LGR4: variants seen among roughly 807,000 people sequenced by gnomAD.
The protein encoded by LGR4 is leucine rich repeat containing G protein-coupled receptor 4.
LGR4 carries 44 observed loss-of-function variants against 84.8 expected under a neutral mutation model. The ratio of observed to expected loss-of-function variants is 0.52; its 90% confidence interval spans 0.41 to 0.67. The LOEUF (loss-of-function observed/expected upper bound fraction) is 0.67, where lower values mean the gene tolerates loss of function less well. Among genes scored for constraint, LGR4 ranks in the 30% least tolerant of loss-of-function variants. The probability of loss-of-function intolerance (pLI) is 0.00; values close to 1 mark genes in which losing one functional copy is unlikely to be tolerated. For missense variants in LGR4, 1,032 were observed against 1,131.4 expected, an observed-to-expected ratio of 0.91 and a Z score of 1.26; for synonymous variants, 429 against 434.3, an observed-to-expected ratio of 0.99 and a Z score of 0.15.
chr11:27,435,002 CACA>C (rs1444806330), intron 1 of LGR4, among the ~76,000 whole-genome samples: 1 of 152,056 alleles, frequency 6.6e-6, no homozygotes, highest in Non-Finnish European at 1.5e-5. Context: ...GCTGGAAACC[CACA>C]ACACTACACC....
At chr11:27,382,299 G>A in intron 6 of LGR4, 43 bp from the exon 7 acceptor site, 1 of 1,270,702 alleles carries the variant, frequency 7.9e-7, no homozygotes, top group Non-Finnish European at 1.1e-6. Context: ...ATTAAATAGT[G>A]GTCATAATTC....
chr11:27,466,967 G>C (rs1864787987), intron 1 of LGR4, among the ~76,000 whole-genome samples: 1 of 151,778 alleles, frequency 6.6e-6, no homozygotes, highest in Non-Finnish European at 1.5e-5. Context: ...TTTATTTTAA[G>C]TAGAGACGGG....
intron 1 of LGR4, among the ~76,000 whole-genome samples, chr11:27,468,533 C>T (rs573143766): frequency 1.3e-5 from 2 of 152,286 alleles, no homozygotes; most frequent in African/African-American, 4.8e-5. Context: ...GGATATTCTG[C>T]TACTCCTGGG....
At chr11:27,440,057 C>G (rs1434603426) in intron 1 of LGR4, among the ~76,000 whole-genome samples, 1 of 152,058 alleles carries the variant, frequency 6.6e-6, no homozygotes, top group African/African-American at 2.4e-5. Flanking sequence ...AGGCACCCAC[C>G]ACCACGCCCA....
intron 4 of LGR4, among the ~76,000 whole-genome samples, chr11:27,386,300 A>G (rs1261969138): frequency 1.3e-5 from 2 of 152,250 alleles, no homozygotes; most frequent in Non-Finnish European, 2.9e-5. Flanking sequence ...TGTTGGCACA[A>G]CAAGATGTAA....
intron 1 of LGR4, among the ~76,000 whole-genome samples, chr11:27,440,833 C>T (rs1864293979): frequency 6.6e-6 from 1 of 152,118 alleles, no homozygotes; most frequent in Non-Finnish European, 1.5e-5. Context: ...GCCAGAAATT[C>T]AAGTAACTGG....
rs375456694 is a variant in LGR4 at position 27,381,372 on chromosome 11, ACT to A, written c.759-408_759-407del. On this transcript the variant is annotated intron_variant, in intron 7 of 17. Transcript: ENST00000379214. ...CCTGTTGTGCCATATACAGTCACTA[ACT>A]CTACCCATGACAAACCCGACGTCCA... 1.4e-3 allele frequency among the ~76,000 whole-genome samples: 207 copies of A among 152,232 alleles called. 1 individual carries two copies. Among genetic ancestry groups the A allele is most frequent in the African/African-American group, 4.4e-3 (183 of 41,544 alleles).
chr11:27,462,734 G>C (rs1487826437), intron 1 of LGR4, among the ~76,000 whole-genome samples: 1 of 152,000 alleles, frequency 6.6e-6, no homozygotes, highest in African/African-American at 2.4e-5. Context: ...CGTTTCCTTG[G>C]TGCAACCCTG....
chr11:27,428,314 T>A (rs1454134987), intron 1 of LGR4, among the ~76,000 whole-genome samples: 5 of 152,234 alleles, frequency 3.3e-5, no homozygotes, highest in African/African-American at 1.2e-4. Flanking sequence ...TTTTTTTGTA[T>A]TTTTAGTAGA....
intron 1 of LGR4, among the ~76,000 whole-genome samples, chr11:27,443,027 T>C (rs991305366): frequency 6.6e-6 from 1 of 152,222 alleles, no homozygotes; most frequent in African/African-American, 2.4e-5. Context: ...GAGACAGGTA[T>C]TATTAACTCC....
chr11:27,445,626 C>G (rs1166503055), intron 1 of LGR4, among the ~76,000 whole-genome samples: 1 of 152,074 alleles, frequency 6.6e-6, no homozygotes, highest in Non-Finnish European at 1.5e-5. Flanking sequence ...CACCTGTAAT[C>G]CAAGCATTTT....
intron 3 of LGR4, 86 bp from the exon 4 acceptor site, chr11:27,391,251 TCAAAAAATA>T: frequency 2.4e-6 from 1 of 414,752 alleles, no homozygotes; most frequent in Non-Finnish European, 4.2e-6. Flanking sequence ...TTTTTTTTTT[TCAAAAAATA>T]TTTCCAATGG....
rs1862814228 is a variant in LGR4, at chr11:27,368,576, A to G, written c.2147T>C (p.Leu716Pro). 7 of 1,609,474 alleles carry G rather than the reference A, an allele frequency of 4.3e-6. No homozygotes were observed. The highest frequency in any genetic ancestry group is 5.9e-6 in the Non-Finnish European group (7 of 1,177,580). ...GATAACGGCCATTAATAAAAATGCT[A>G]GTGAGTTTAATAGCACTAACGTTAC... is the stretch of plus-strand genomic sequence containing the variant. ...FTVTLVLLNS[L>P]AFLLMAVIYT... The change falls in exon 18 of 18, where the codon CTA (leucine) becomes CCA (proline). Residue 716 changes from leucine to proline, a missense_variant. Leu to Pro is a moderately conservative substitution (Grantham distance 98). Coordinates refer to ENST00000379214, the MANE Select transcript of LGR4 (RefSeq NM_018490.5).
At chr11:27,453,472 T>C (rs1367665496) in intron 1 of LGR4, among the ~76,000 whole-genome samples, 2 of 152,228 alleles carry the variant, frequency 1.3e-5, no homozygotes, top group African/African-American at 4.8e-5. Flanking sequence ...CAGCCTTCCC[T>C]GGCTACCCTA....
At chr11:27,458,154 G>A (rs1439094093) in intron 1 of LGR4, among the ~76,000 whole-genome samples, 2 of 151,984 alleles carry the variant, frequency 1.3e-5, no homozygotes, top group Non-Finnish European at 2.9e-5. Flanking sequence ...AAGAAAGTGA[G>A]TATTACATAT....
At chr11:27,375,980 T>C (rs58690028) in intron 13 of LGR4, among the ~76,000 whole-genome samples, 5,542 of 150,964 alleles carry the variant, frequency 0.037, 317 homozygotes, top group African/African-American at 0.12. Flanking sequence ...ATTATATCTT[T>C]TTTTTTTTTT....
intron 6 of LGR4, among the ~76,000 whole-genome samples, chr11:27,383,615 TAAAA>T (rs1243237763): frequency 6.9e-4 from 105 of 152,302 alleles, no homozygotes; most frequent in Non-Finnish European, 1.4e-3. Flanking sequence ...TTCAGTCAAA[TAAAA>T]TACTACATAC....
chr11:27,453,972 A>C (rs1463754813), intron 1 of LGR4, among the ~76,000 whole-genome samples: 1 of 152,158 alleles, frequency 6.6e-6, no homozygotes, highest in Non-Finnish European at 1.5e-5. Flanking sequence ...TAGCATCAAC[A>C]CAGACCTGAA....
At chr11:27,377,244 C>T in intron 11 of LGR4, 21 bp from the exon 12 acceptor site, 1 of 1,208,812 alleles carries the variant, frequency 8.3e-7, no homozygotes, top group Non-Finnish European at 1.2e-6. Flanking sequence ...TGGAAATTAA[C>T]AAATTAATGC....
Sources: gnomAD v4.1 joint callset for allele counts (sites outside exome capture counted in the v4.1 genomes callset) on GRCh38, gnomAD v4.1.1 for gene constraint, MANE v1.5 for transcripts, NCBI Gene and HGNC (gene_info 2026-07-23, HGNC 2026-07-21) for gene names.